Variants in VTI1A observed in about 807,000 individuals in gnomAD.
The protein encoded by VTI1A is vesicle transport through interaction with t-SNAREs homolog 1A.
A neutral mutation model predicts 34.9 loss-of-function variants in VTI1A; 22 were observed. The ratio of observed to expected loss-of-function variants is 0.63; its 90% CI spans 0.45 to 0.90. The LOEUF (loss-of-function observed/expected upper bound fraction) is 0.90, where lower values mean the gene tolerates loss of function less well. Among genes scored for constraint, VTI1A ranks in the 40% least tolerant of loss-of-function variants. VTI1A has a pLI of 0.00. For missense variants in VTI1A, 268 were observed against 275.6 expected, an observed-to-expected ratio of 0.97 and a Z score of 0.20; for synonymous variants, 87 against 97.3, an observed-to-expected ratio of 0.89 and a Z score of 0.62.
chr10:112,755,542 G>A (rs1015723278), intron 7 of VTI1A, among the ~76,000 whole-genome samples: 10 of 152,250 alleles, frequency 6.6e-5, no homozygotes, highest in South Asian at 2.1e-4. Context: ...ACGGAGCAGC[G>A]CCCATAAACA....
intron 5 of VTI1A, among the ~76,000 whole-genome samples, chr10:112,544,846 G>A (rs964453643): frequency 5.3e-5 from 8 of 152,156 alleles, no homozygotes; most frequent in Non-Finnish European, 1.0e-4. Flanking sequence ...GTACAGCTGG[G>A]ATGAAGTGAG....
the VTI1A span, among the ~76,000 whole-genome samples, chr10:112,836,889 G>A: frequency 1.5e-4 from 23 of 152,264 alleles, no homozygotes; most frequent in Non-Finnish European, 2.2e-4. Context: ...AAACCATCTC[G>A]GAAGAATGCA....
chr10:112,631,207 C>T (rs971207289), intron 5 of VTI1A, among the ~76,000 whole-genome samples: 3 of 151,602 alleles, frequency 2.0e-5, no homozygotes, highest in African/African-American at 4.8e-5. Context: ...CTGATAAGAG[C>T]GTAGTATAGA....
intron 7 of VTI1A, among the ~76,000 whole-genome samples, chr10:112,701,031 T>A (rs1465088651): frequency 1.3e-5 from 2 of 152,214 alleles, no homozygotes; most frequent in Non-Finnish European, 2.9e-5. Context: ...TTAAATTATT[T>A]GAAAATAAGT....
chr10:112,787,733 G>A (rs867098057), intron 7 of VTI1A, among the ~76,000 whole-genome samples: 8 of 115,826 alleles, frequency 6.9e-5, no homozygotes, highest in Non-Finnish European at 9.7e-5. Context: ...ACAGAGTCTC[G>A]CACTGATGCC....
rs185263872 is a variant in VTI1A, at chr10:112,789,279, C to T, written c.561-26011C>T. 1.8e-4 allele frequency among the ~76,000 whole-genome samples: 27 copies of T among 152,262 alleles called. No individual in the cohort carries two copies. In the East Asian group the frequency reaches 5.2e-3, roughly 29 times the overall value. On this transcript the variant is annotated intron_variant, in intron 7 of 7. Transcript: ENST00000393077. The stretch of plus-strand genomic sequence containing the variant: ...TTATCTAGAAAAGTCTTTATGTCAC[C>T]TTCACTTTTAGTGGATAGTATTGCT...
intron 5 of VTI1A, among the ~76,000 whole-genome samples, chr10:112,582,918 C>T (rs1844004217): frequency 6.6e-6 from 1 of 152,122 alleles, no homozygotes; most frequent in Non-Finnish European, 1.5e-5. Flanking sequence ...AAATAAGACC[C>T]TCTAAATCTC....
chr10:112,811,692 A>AC (rs1853315067), intron 7 of VTI1A, among the ~76,000 whole-genome samples: 1 of 69,526 alleles, frequency 1.4e-5, no homozygotes, highest in Non-Finnish European at 2.7e-5. Context: ...TCAAAAAAAA[A>AC]AAAAAAAAAA....
At chr10:112,534,554 C>G (rs1850555828) in intron 4 of VTI1A, among the ~76,000 whole-genome samples, 1 of 151,940 alleles carries the variant, frequency 6.6e-6, no homozygotes, top group South Asian at 2.1e-4. Context: ...TTAGAAGCTT[C>G]TAGATAGTGT....
chr10:112,636,134 A>G (rs559512184), intron 5 of VTI1A, among the ~76,000 whole-genome samples: 2 of 152,322 alleles, frequency 1.3e-5, no homozygotes, highest in East Asian at 3.9e-4. Flanking sequence ...CTTTGCTCAC[A>G]GTAGGCACTC....
chr10:112,672,560 C>T (rs530255278), intron 7 of VTI1A, among the ~76,000 whole-genome samples: 1 of 152,122 alleles, frequency 6.6e-6, no homozygotes, highest in Non-Finnish European at 1.5e-5. Flanking sequence ...AACAAGTGAC[C>T]ATTTATGTTG....
intron 7 of VTI1A, among the ~76,000 whole-genome samples, chr10:112,749,650 A>C (rs1851032356): frequency 6.6e-6 from 1 of 152,196 alleles, no homozygotes; most frequent in Non-Finnish European, 1.5e-5. Context: ...GCATTTAAGG[A>C]AAGAGAGGGA....
chr10:112,596,251 A>G (rs888307401), intron 5 of VTI1A, among the ~76,000 whole-genome samples: 1 of 152,160 alleles, frequency 6.6e-6, no homozygotes, highest in Admixed American at 6.5e-5. Flanking sequence ...AGCATGGCAC[A>G]TGTATACATA....
intron 3 of VTI1A, among the ~76,000 whole-genome samples, chr10:112,516,134 C>A (rs750019622): frequency 6.6e-6 from 1 of 152,004 alleles, no homozygotes; most frequent in African/African-American, 2.4e-5. Context: ...AGGCTTGTAG[C>A]GGAGCTTCTT....
intron 3 of VTI1A, among the ~76,000 whole-genome samples, chr10:112,492,773 CA>C (rs35608429): frequency 2.5e-3 from 269 of 105,990 alleles, no homozygotes; most frequent in African/African-American, 3.3e-3. Flanking sequence ...GCAACAGTCT[CA>C]AAAAAAAAAA....
chr10:112,600,860 T>C (rs746367138), intron 5 of VTI1A, among the ~76,000 whole-genome samples: 1 of 152,252 alleles, frequency 6.6e-6, no homozygotes, highest in Non-Finnish European at 1.5e-5. Context: ...AGCATGGATA[T>C]GCATTTGCAA....
chr10:112,665,398 A>G (rs1013430209), intron 5 of VTI1A, among the ~76,000 whole-genome samples: 1 of 152,028 alleles, frequency 6.6e-6, no homozygotes, highest in Non-Finnish European at 1.5e-5. Context: ...GAAATTTTCT[A>G]TATTAGAGCA....
chr10:112,597,043 A>G (rs540264756), intron 5 of VTI1A, among the ~76,000 whole-genome samples: 2 of 152,232 alleles, frequency 1.3e-5, no homozygotes, highest in African/African-American at 4.8e-5. Context: ...TTTTTCTTCT[A>G]ATGCCAGATG....
In VTI1A at chr10:112,779,075, G is replaced by T. The variant is rs12571951; in HGVS notation, c.561-36215G>T. On this transcript the variant is annotated intron_variant, in intron 7 of 7. Transcript: ENST00000393077. ...GTGGAAATCTCACGTTTGCTTTATCGCAGCTTGAAAAGGAACGAGAGAAAG... is the reference window on the plus strand; with the variant it reads ...GTGGAAATCTCACGTTTGCTTTATCTCAGCTTGAAAAGGAACGAGAGAAAG... Among the ~76,000 whole-genome samples the T allele has an allele frequency of 7.2e-5, 11 of 152,222 alleles. No individual in the cohort carries two copies. The East Asian group carries it at 2.1e-3, about 29-fold the overall frequency.
Sources: gnomAD v4.1 joint callset for allele counts (sites outside exome capture counted in the v4.1 genomes callset) on GRCh38, gnomAD v4.1.1 for gene constraint, MANE v1.5 for transcripts, NCBI Gene and HGNC (gene_info 2026-07-23, HGNC 2026-07-21) for gene names.